The following NFE2L3 variants were observed in gnomAD, a reference collection of about 807,000 sequenced individuals.
NFE2L3 encodes the protein nuclear factor erythroid 2-related factor 3.
NFE2L3 carries 18 observed loss-of-function variants against 23.5 expected under a neutral mutation model. That is an observed-to-expected ratio of 0.77 (90% CI 0.53 to 1.13). The LOEUF is 1.13. Among genes scored for constraint, NFE2L3 ranks in the 50% most tolerant of loss-of-function variants. The pLI, the probability that NFE2L3 is intolerant of heterozygous loss-of-function variation, is 0.00. For missense variants in NFE2L3, 1,152 were observed against 877.2 expected, an observed-to-expected ratio of 1.31 and a Z score of -3.96; for synonymous variants, 424 against 354.5, an observed-to-expected ratio of 1.20 and a Z score of -2.20.
intron 2 of NFE2L3, among the ~76,000 whole-genome samples, chr7:26,180,009 G>T (rs1414245107): frequency 1.3e-5 from 2 of 152,028 alleles, no homozygotes; most frequent in Non-Finnish European, 2.9e-5. Flanking sequence ...AATGTTCCGT[G>T]GTATACATGC....
At chr7:26,184,244 T>G (rs1583941156) in intron 3 of NFE2L3, 1 of 385,124 alleles carries the variant, frequency 2.6e-6, no homozygotes, top group South Asian at 3.6e-5. Context: ...CATCTTATTA[T>G]AAAGTAGCAA....
chr7:26,157,536 C>T (rs1276670989), intron 1 of NFE2L3, among the ~76,000 whole-genome samples: 1 of 152,116 alleles, frequency 6.6e-6, no homozygotes, highest in Non-Finnish European at 1.5e-5. Flanking sequence ...AAAATAGTCC[C>T]TAACTCCTGG....
At chr7:26,170,393 C>A (rs1304796303) in intron 1 of NFE2L3, among the ~76,000 whole-genome samples, 2 of 152,172 alleles carry the variant, frequency 1.3e-5, no homozygotes, top group African/African-American at 4.8e-5. Flanking sequence ...TTCATATTCA[C>A]CCCCTCGTTT....
At position 26,178,683 on chromosome 7, in the gene NFE2L3, C is replaced by T. The variant is rs951416504; in HGVS notation, c.750+561C>T. Among the ~76,000 whole-genome samples the T allele has an allele frequency of 6.6e-5, 10 of 152,134 alleles. No homozygotes were observed. The East Asian group carries it at 7.7e-4, about 12-fold the overall frequency. On this transcript the variant is annotated intron_variant, in intron 2 of 3. Coordinates refer to ENST00000056233, the MANE Select transcript of NFE2L3 (RefSeq NM_004289.7). ...GAAGAGGTGTACAAAGATGAACTCC[C>T]GGAGCCAGGCTGAAGGGATGGATGC... is the stretch of plus-strand genomic sequence containing the variant.
chr7:26,169,919 G>C (rs1311852266), intron 1 of NFE2L3, among the ~76,000 whole-genome samples: 4 of 151,132 alleles, frequency 2.6e-5, no homozygotes, highest in Non-Finnish European at 1.5e-5. Flanking sequence ...GCAACATGGC[G>C]AGACCCCGTC....
chr7:26,185,554 C>CTTA lies in NFE2L3; in HGVS notation c.1857_1858insTAT (p.Thr619_Leu620insTyr). On this transcript the variant is annotated inframe_insertion, in exon 4 of 4. Coordinates refer to ENST00000056233, the MANE Select transcript of NFE2L3 (RefSeq NM_004289.7). ...TGTAACTTGCAAGCAAAGAAGGAAA[C>CTTA]TCTTAAGAGAGAGCAAGCACAATGT... 6.2e-7 allele frequency: 1 copy of CTTA among 1,613,812 alleles called. No individual in the cohort carries two copies. Among genetic ancestry groups the CTTA allele is most frequent in the Non-Finnish European group, 8.5e-7 (1 of 1,179,790 alleles).
chr7:26,152,860 C>T lies in NFE2L3; in HGVS notation c.362C>T (p.Ala121Val). The change falls in exon 1 of 4, where the codon GCG (alanine) becomes GTG (valine). Residue 121 changes from alanine (A) to valine (V), a missense_variant. By Grantham distance (64) the Ala-to-Val change is moderately conservative. Transcript: ENST00000056233. The surrounding 1 kb of genome is among the most constrained non-coding windows in gnomAD (Gnocchi z 4.4). ...WLVHSVAAGSADEAHGLLGAA... is the reference protein window; with the variant it reads ...WLVHSVAAGSVDEAHGLLGAA... The stretch of plus-strand genomic sequence containing the variant: ...GTGCACAGCGTGGCTGCCGGGAGCG[C>T]GGACGAGGCCCACGGGCTGCTCGGC... 3.4e-6 allele frequency: 5 copies of T among 1,471,526 alleles called. No individual in the cohort carries two copies. Among genetic ancestry groups the T allele is most frequent in the Non-Finnish European group, 4.5e-6 (5 of 1,119,268 alleles). The allele number at this position is 1,471,526 out of a possible 1,614,324, so 91.2% of individuals were successfully genotyped here.
chr7:26,179,516 A>T (rs1485952932), intron 2 of NFE2L3, among the ~76,000 whole-genome samples: 1 of 150,974 alleles, frequency 6.6e-6, no homozygotes, highest in African/African-American at 2.4e-5. Flanking sequence ...AAAAAAAAAA[A>T]GTATAACCCA....
In NFE2L3 at chr7:26,178,061, A is replaced by G. The variant is rs73683257; in HGVS notation, c.689A>G (p.Glu230Gly). 3,059 of 1,614,152 alleles carry G rather than the reference A, an allele frequency of 1.9e-3. 47 individuals carry two copies. In the African/African-American group the frequency reaches 0.035, roughly 18 times the overall value. Residue 230 changes from glutamate (E) to glycine (G), a missense_variant, in exon 2 of 4, where the codon GAA (glutamate) becomes GGA (glycine). Transcript: ENST00000056233. ...TCACTTCAGCAGAATGATGATGATG[A>G]AAACAAAATAGCAGAGAAACCTGAC... ...ENSLQQNDDDENKIAEKPDWE... is the reference protein window; with the variant it reads ...ENSLQQNDDDGNKIAEKPDWE...
At chr7:26,172,771 G>A (rs150190648) in intron 1 of NFE2L3, among the ~76,000 whole-genome samples, 236 of 152,280 alleles carry the variant, frequency 1.5e-3, no homozygotes, top group African/African-American at 4.8e-3. Flanking sequence ...AGGAGACCAC[G>A]ATGTTGGTTT....
chr7:26,185,262 A>C lies in NFE2L3; in HGVS notation c.1564A>C (p.Lys522Gln). 6.2e-7 allele frequency: 1 copy of C among 1,614,084 alleles called. No individual in the cohort carries two copies. The highest frequency in any genetic ancestry group is 8.5e-7 in the Non-Finnish European group (1 of 1,179,982). Reference sequence around the variant, plus strand: ...TTTTCCGTGGCCTGGGAAGTCACAGAAGATAAGGAGTAGATACCTTGAAGA... The same window carrying C: ...TTTTCCGTGGCCTGGGAAGTCACAGCAGATAAGGAGTAGATACCTTGAAGA... The part of the protein sequence containing the change: ...EPFPWPGKSQ[K>Q]IRSRYLEDTD... The change falls in exon 4 of 4, where the codon AAG becomes CAG. Residue 522 changes from lysine to glutamine, a missense_variant. Coordinates refer to ENST00000056233, the MANE Select transcript of NFE2L3 (RefSeq NM_004289.7).
intron 1 of NFE2L3, among the ~76,000 whole-genome samples, chr7:26,177,043 C>T (rs1452345115): frequency 1.7e-4 from 6 of 35,276 alleles, no homozygotes; most frequent in South Asian, 1.5e-3. Context: ...AGACGATGGG[C>T]GGCCAGGCAG....
intron 1 of NFE2L3, chr7:26,174,245 G>A (rs567017166): frequency 6.6e-6 from 1 of 152,398 alleles, no homozygotes; most frequent in East Asian, 1.9e-4. Flanking sequence ...AGGAGGAGAT[G>A]GTAACTAAGT....
intron 2 of NFE2L3, 74 bp downstream of exon 2, chr7:26,178,196 C>A: frequency 7.8e-7 from 1 of 1,280,942 alleles, no homozygotes; most frequent in Non-Finnish European, 1.1e-6. Context: ...CAGTTTGTGT[C>A]AAGAATGAGC....
chr7:26,185,466 G>C lies in NFE2L3; in HGVS notation c.1768G>C (p.Val590Leu). The change falls in exon 4 of 4, where the codon GTT becomes CTT. Residue 590 changes from valine (V) to leucine (L), a missense_variant. Coordinates refer to ENST00000056233, the MANE Select transcript of NFE2L3 (RefSeq NM_004289.7). The part of the protein sequence containing the change: ...RDIRRRGKNK[V>L]AAQNCRKRKL... ...CATCAGACGAAGAGGGAAAAATAAA[G>C]TTGCTGCGCAGAACTGTCGTAAACG... 2 of 1,614,042 alleles carry C rather than the reference G, an allele frequency of 1.2e-6. No homozygotes were observed. The highest frequency in any genetic ancestry group is 1.7e-6 in the Non-Finnish European group (2 of 1,179,904).
intron 1 of NFE2L3, among the ~76,000 whole-genome samples, chr7:26,173,060 T>G (rs943696636): frequency 3.9e-5 from 6 of 152,190 alleles, no homozygotes; most frequent in Admixed American, 2.6e-4. Flanking sequence ...TATATTTGAG[T>G]GCACTCATTG....
intron 2 of NFE2L3, among the ~76,000 whole-genome samples, chr7:26,181,335 G>C (rs1307342073): frequency 6.6e-6 from 1 of 152,116 alleles, no homozygotes; most frequent in Non-Finnish European, 1.5e-5. Flanking sequence ...CTATTACTTA[G>C]TAGGTGCTTT....
intron 2 of NFE2L3, among the ~76,000 whole-genome samples, chr7:26,182,820 C>G (rs993209707): frequency 6.6e-6 from 1 of 152,100 alleles, no homozygotes; most frequent in Non-Finnish European, 1.5e-5. Flanking sequence ...TTTTTTGAGA[C>G]GAGATCTCAT....
intron 1 of NFE2L3, among the ~76,000 whole-genome samples, chr7:26,176,613 C>G (rs1784412002): frequency 1.1e-5 from 1 of 92,856 alleles, no homozygotes; most frequent in Admixed American, 1.0e-4. Flanking sequence ...TCCTCACATC[C>G]CAGACGATGG....
Sources: gnomAD v4.1 joint callset for allele counts (sites outside exome capture counted in the v4.1 genomes callset) on GRCh38, gnomAD v4.1.1 for gene constraint, Gnocchi (gnomAD v3.1) non-coding constraint, MANE v1.5 for transcripts, NCBI Gene and HGNC (gene_info 2026-07-23, HGNC 2026-07-21) for gene names.